The following TRPS1 variants were observed in gnomAD, a reference collection of about 807,000 sequenced individuals.
The protein encoded by TRPS1 is zinc finger transcription factor Trps1.
TRPS1 carries 6 observed loss-of-function variants against 101.2 expected under a neutral mutation model. The ratio of observed to expected loss-of-function variants is 0.06; its 90% CI spans 0.03 to 0.12. The LOEUF is 0.12. TRPS1 is among the 10% of genes least tolerant of loss of function. TRPS1 has a pLI of 1.00. For missense variants in TRPS1, 1,363 were observed against 1,567.0 expected, an observed-to-expected ratio of 0.87 and a Z score of 2.20; for synonymous variants, 578 against 589.8, an observed-to-expected ratio of 0.98 and a Z score of 0.29.
intron 5 of TRPS1, among the ~76,000 whole-genome samples, chr8:115,544,611 C>A (rs1386683481): frequency 6.6e-6 from 1 of 152,142 alleles, no homozygotes; most frequent in Non-Finnish European, 1.5e-5. Context: ...ATTTCATGTA[C>A]AATATTTATA....
intron 5 of TRPS1, among the ~76,000 whole-genome samples, chr8:115,445,753 C>T (rs769007687): frequency 6.6e-6 from 1 of 151,982 alleles, no homozygotes; most frequent in Non-Finnish European, 1.5e-5. Context: ...AGGCTAAAAT[C>T]GCAGAAGGTG....
At chr8:115,574,705 G>T (rs1817277424) in intron 5 of TRPS1, among the ~76,000 whole-genome samples, 1 of 150,838 alleles carries the variant, frequency 6.6e-6, no homozygotes, top group Non-Finnish European at 1.5e-5. Flanking sequence ...TAAGAAATTT[G>T]ACATATTAAG....
chr8:115,634,075 C>T (rs1288472277), intron 1 of TRPS1, among the ~76,000 whole-genome samples: 1 of 152,112 alleles, frequency 6.6e-6, no homozygotes. Flanking sequence ...AATCTTATTC[C>T]TTAAAACTAT....
In TRPS1 at chr8:115,610,599, G is replaced by A. The variant is rs1012764933; in HGVS notation, c.967-5597C>T. ...AATACAAGAGCCAACCAACGGCAGG[G>A]GAGGGTACAGGGGAAACCAAAACTC... On this transcript the variant is annotated intron_variant, in intron 3 of 6. Coordinates refer to ENST00000395715, the MANE Select transcript of TRPS1 (RefSeq NM_014112.5). Among the ~76,000 whole-genome samples, 3 of 152,200 alleles carry A rather than the reference G, an allele frequency of 2.0e-5. 1 individual carries two copies. Among genetic ancestry groups the A allele is most frequent in the Admixed American group, 6.5e-5 (1 of 15,280 alleles).
At chr8:115,538,988 G>T (rs1276748744) in intron 5 of TRPS1, among the ~76,000 whole-genome samples, 1 of 152,122 alleles carries the variant, frequency 6.6e-6, no homozygotes, top group Non-Finnish European at 1.5e-5. Flanking sequence ...ATAAGGAAAA[G>T]AAACTACAGA....
chr8:115,619,627 T>C lies in TRPS1; in HGVS notation c.471A>G (p.Ser157=), dbSNP rs780661100. The C allele has an allele frequency of 3.1e-6, 5 of 1,614,074 alleles. No individual in the cohort carries two copies. The highest frequency in any genetic ancestry group is 1.7e-5 in the Admixed American group (1 of 60,006). ...DDPQDMACTP[S]GDSLETKEDQ... ...CTTCCTTTGTCTCCAGTGAGTCCCC[T>C]GAGGGGGTGCAGGCCATATCTTGAG... is the stretch of plus-strand genomic sequence containing the variant. The change falls in exon 3 of 7, where the codon TCA becomes TCG. Residue 157 remains serine (S), a synonymous_variant. Coordinates refer to ENST00000395715, the MANE Select transcript of TRPS1 (RefSeq NM_014112.5).
At chr8:115,576,908 T>C (rs1415700458) in intron 5 of TRPS1, among the ~76,000 whole-genome samples, 1 of 152,176 alleles carries the variant, frequency 6.6e-6, no homozygotes, top group African/African-American at 2.4e-5. Context: ...CCACAAACTG[T>C]CCATCCAGAC....
intron 3 of TRPS1, among the ~76,000 whole-genome samples, chr8:115,616,075 G>A (rs578247227): frequency 9.2e-5 from 14 of 152,052 alleles, no homozygotes; most frequent in Admixed American, 2.0e-4. Flanking sequence ...TTAGGACTGG[G>A]CATGCTACCT....
chr8:115,431,343 C>T lies in TRPS1; in HGVS notation c.2701-12891G>A, dbSNP rs140907056. On this transcript the variant is annotated intron_variant, in intron 5 of 6. Coordinates refer to ENST00000395715, the MANE Select transcript of TRPS1 (RefSeq NM_014112.5). ...GCATATGCACAAAACTTATACAAAG[C>T]GCCTCATATTTATTTTTACAACATG... Among the ~76,000 whole-genome samples the T allele has an allele frequency of 4.6e-5, 7 of 152,074 alleles. No homozygotes were observed. In the East Asian group the frequency reaches 5.8e-4, roughly 13 times the overall value.
chr8:115,620,088 A>G (rs980136649), intron 2 of TRPS1, 28 bp from the exon 3 acceptor site: 1 of 1,607,972 alleles, frequency 6.2e-7, no homozygotes, highest in Non-Finnish European at 8.5e-7. Context: ...AAAGGCAGAT[A>G]CAGTGTTATC....
At chr8:115,512,508 GA>G in intron 5 of TRPS1, among the ~76,000 whole-genome samples, 1 of 151,398 alleles carries the variant, frequency 6.6e-6, no homozygotes, top group South Asian at 2.1e-4. Flanking sequence ...GTGAAAAATA[GA>G]AAATTATGCT....
At chr8:115,549,878 G>C (rs375395080) in intron 5 of TRPS1, among the ~76,000 whole-genome samples, 4 of 152,202 alleles carry the variant, frequency 2.6e-5, no homozygotes, top group African/African-American at 7.2e-5. Flanking sequence ...AACAAATGTT[G>C]CAAGAGTCTC....
intron 5 of TRPS1, among the ~76,000 whole-genome samples, chr8:115,456,492 C>T (rs991187185): frequency 9.2e-5 from 14 of 151,948 alleles, no homozygotes; most frequent in Admixed American, 5.9e-4. Flanking sequence ...TATATAATAT[C>T]GATTTTACAT....
chr8:115,650,903 T>C (rs1025269956), intron 1 of TRPS1, among the ~76,000 whole-genome samples: 2 of 152,142 alleles, frequency 1.3e-5, no homozygotes, highest in African/African-American at 4.8e-5. Flanking sequence ...TCATGTTAGA[T>C]CTCCTGACTC....
chr8:115,560,906 C>T (rs1816931240), intron 5 of TRPS1, among the ~76,000 whole-genome samples: 1 of 152,046 alleles, frequency 6.6e-6, no homozygotes, highest in Non-Finnish European at 1.5e-5. Flanking sequence ...AGGAGGTAAA[C>T]AATAAAAGTC....
intron 5 of TRPS1, among the ~76,000 whole-genome samples, chr8:115,483,720 C>T (rs1814812492): frequency 6.6e-6 from 1 of 152,094 alleles, no homozygotes; most frequent in Non-Finnish European, 1.5e-5. Flanking sequence ...ACTGACACTG[C>T]AGGCATGTAT....
At chr8:115,633,465 G>C (rs1391282988) in intron 1 of TRPS1, among the ~76,000 whole-genome samples, 1 of 152,092 alleles carries the variant, frequency 6.6e-6, no homozygotes, top group Non-Finnish European at 1.5e-5. Flanking sequence ...ATATGACAAA[G>C]ACAAGCTACA....
intron 5 of TRPS1, among the ~76,000 whole-genome samples, chr8:115,585,270 T>C (rs1817537904): frequency 6.6e-6 from 1 of 152,194 alleles, no homozygotes; most frequent in Admixed American, 6.5e-5. Flanking sequence ...AGTATTAACA[T>C]CTCCATCTTG....
chr8:115,662,960 G>A (rs1811840172), intron 1 of TRPS1, among the ~76,000 whole-genome samples: 1 of 151,940 alleles, frequency 6.6e-6, no homozygotes, highest in South Asian at 2.1e-4. Context: ...TCTTTGACCT[G>A]TGGCCATTGA....
Sources: allele counts gnomAD v4.1 joint callset (sites outside exome capture counted in the v4.1 genomes callset), GRCh38; gene constraint gnomAD v4.1.1; transcripts MANE v1.5; gene names NCBI Gene and HGNC (gene_info 2026-07-23, HGNC 2026-07-21).